The following UBE2E2 variants were observed in gnomAD, a reference collection of about 807,000 sequenced individuals.
UBE2E2 encodes the protein ubiquitin-conjugating enzyme E2 E2.
In UBE2E2, 6 loss-of-function variants were observed where a neutral mutation model predicts 24.7. The ratio of observed to expected loss-of-function variants is 0.24; its 90% confidence interval spans 0.13 to 0.48. The LOEUF is 0.48. Ranked by LOEUF, UBE2E2 falls within the 20% of genes least tolerant of loss-of-function variation. UBE2E2 has a pLI of 0.99. For synonymous variants in UBE2E2, 104 were observed against 83.6 expected, an observed-to-expected ratio of 1.24 and a Z score of -1.33; for missense variants, 169 against 245.0, an observed-to-expected ratio of 0.69 and a Z score of 2.07.
intron 3 of UBE2E2, among the ~76,000 whole-genome samples, chr3:23,218,532 A>G (rs190474077): frequency 1.1e-4 from 17 of 152,128 alleles, no homozygotes; most frequent in Admixed American, 1.0e-3. Context: ...TTAGGATAAT[A>G]TTTGTTTTAA....
intron 5 of UBE2E2, among the ~76,000 whole-genome samples, chr3:23,564,662 G>A (rs892075397): frequency 6.6e-6 from 1 of 152,082 alleles, no homozygotes; most frequent in African/African-American, 2.4e-5. Flanking sequence ...TGTTGAGTTA[G>A]GGTCCTGGTA....
At chr3:23,568,722 T>C (rs1342506007) in intron 5 of UBE2E2, among the ~76,000 whole-genome samples, 8 of 133,666 alleles carry the variant, frequency 6.0e-5, no homozygotes, top group African/African-American at 2.4e-4. Context: ...TATATACACA[T>C]ATATATGTAT....
At chr3:23,332,685 G>GTGTT (rs1695094643) in intron 3 of UBE2E2, among the ~76,000 whole-genome samples, 1 of 77,348 alleles carries the variant, frequency 1.3e-5, no homozygotes, top group African/African-American at 3.0e-5. Flanking sequence ...GTGTGTGTGT[G>GTGTT]TGTGTGTGTG....
intron 3 of UBE2E2, among the ~76,000 whole-genome samples, chr3:23,464,489 A>G (rs1698881593): frequency 6.6e-6 from 1 of 152,152 alleles, no homozygotes; most frequent in African/African-American, 2.4e-5. Context: ...TAATAAGAAT[A>G]GGGGAGATAT....
intron 3 of UBE2E2, among the ~76,000 whole-genome samples, chr3:23,338,440 A>G (rs1575570361): frequency 6.6e-6 from 1 of 152,154 alleles, no homozygotes. Flanking sequence ...ATATATGTGT[A>G]TGTGTACATG....
intron 3 of UBE2E2, among the ~76,000 whole-genome samples, chr3:23,333,683 A>G (rs1243949708): frequency 6.6e-6 from 1 of 152,198 alleles, no homozygotes; most frequent in Non-Finnish European, 1.5e-5. Flanking sequence ...AATCTTGTGT[A>G]TTATTGTTAG....
intron 3 of UBE2E2, among the ~76,000 whole-genome samples, chr3:23,396,208 T>C (rs1697069823): frequency 6.6e-6 from 1 of 150,758 alleles, no homozygotes. Flanking sequence ...TTTGTAAACA[T>C]TTCCAGAAGA....
In UBE2E2 at chr3:23,559,437, T is replaced by C. The variant is rs1371214330; in HGVS notation, c.508+26736T>C. 2.0e-5 allele frequency among the ~76,000 whole-genome samples: 3 copies of C among 152,274 alleles called. No homozygotes were observed. The East Asian group carries it at 5.8e-4, about 29-fold the overall frequency. ...AGGCCCTTCTCTATCAGAAAGACTA[T>C]ACTAGAGATTTGAACTTCGTACAAG... On this transcript the variant is annotated intron_variant, in intron 5 of 5. Transcript: ENST00000396703.
intron 3 of UBE2E2, among the ~76,000 whole-genome samples, chr3:23,379,124 G>T (rs1013536169): frequency 7.2e-5 from 11 of 152,226 alleles, no homozygotes; most frequent in South Asian, 2.1e-4. Flanking sequence ...GAATGTCTGT[G>T]ATCAAAGTAC....
At chr3:23,211,575 T>G (rs960360101) in intron 2 of UBE2E2, among the ~76,000 whole-genome samples, 2 of 151,914 alleles carry the variant, frequency 1.3e-5, no homozygotes, top group Admixed American at 6.6e-5. Flanking sequence ...ATGTATTTTT[T>G]GTAGGGATGG....
intron 3 of UBE2E2, among the ~76,000 whole-genome samples, chr3:23,398,587 A>G (rs1559372205): frequency 6.6e-6 from 1 of 152,168 alleles, no homozygotes; most frequent in Non-Finnish European, 1.5e-5. Context: ...TATGTATATT[A>G]AAGGAATGTG....
At chr3:23,331,084 A>G (rs1055831382) in intron 3 of UBE2E2, among the ~76,000 whole-genome samples, 4 of 152,214 alleles carry the variant, frequency 2.6e-5, no homozygotes, top group Admixed American at 1.3e-4. Flanking sequence ...GGATTTTAAA[A>G]GTAAATCAAA....
chr3:23,367,448 A>G (rs1366961914), intron 3 of UBE2E2, among the ~76,000 whole-genome samples: 1 of 152,086 alleles, frequency 6.6e-6, no homozygotes, highest in Non-Finnish European at 1.5e-5. Flanking sequence ...CAGTGGTTTA[A>G]TCAATCATGC....
intron 3 of UBE2E2, among the ~76,000 whole-genome samples, chr3:23,481,511 C>T (rs563554504): frequency 2.0e-5 from 3 of 152,272 alleles, no homozygotes; most frequent in Non-Finnish European, 4.4e-5. Flanking sequence ...TACAATTAGC[C>T]TTTTTAATGC....
intron 3 of UBE2E2, among the ~76,000 whole-genome samples, chr3:23,441,422 C>G (rs576374773): frequency 6.6e-6 from 1 of 151,072 alleles, no homozygotes; most frequent in East Asian, 2.0e-4. Context: ...GCCTGTAGTC[C>G]CAGCTACTCG....
intron 3 of UBE2E2, among the ~76,000 whole-genome samples, chr3:23,261,098 G>A (rs1306646666): frequency 6.6e-6 from 1 of 151,554 alleles, no homozygotes; most frequent in Non-Finnish European, 1.5e-5. Flanking sequence ...GCAAGAACCT[G>A]TCTCAAAAAA....
chr3:23,469,423 G>T (rs755488964), intron 3 of UBE2E2, among the ~76,000 whole-genome samples: 1 of 152,092 alleles, frequency 6.6e-6, no homozygotes, highest in Non-Finnish European at 1.5e-5. Context: ...GAGAAAAATT[G>T]ATGCCTCTAA....
chr3:23,333,465 A>G (rs1246204409), intron 3 of UBE2E2, among the ~76,000 whole-genome samples: 2 of 152,154 alleles, frequency 1.3e-5, no homozygotes, highest in East Asian at 3.9e-4. Context: ...CCTCAGGGAC[A>G]GGTTTTCCTC....
At chr3:23,205,443 C>T (rs189582410) in intron 1 of UBE2E2, among the ~76,000 whole-genome samples, 7 of 152,194 alleles carry the variant, frequency 4.6e-5, no homozygotes, top group African/African-American at 1.4e-4. Flanking sequence ...TTTACACTTA[C>T]GACTAATTAA....
Sources: allele counts gnomAD v4.1 joint callset (sites outside exome capture counted in the v4.1 genomes callset), GRCh38; gene constraint gnomAD v4.1.1; transcripts MANE v1.5; gene names NCBI Gene and HGNC (gene_info 2026-07-23, HGNC 2026-07-21).